SIK3: variants seen among roughly 807,000 people sequenced by gnomAD.
SIK3 encodes serine/threonine-protein kinase SIK3.
In SIK3, 28 loss-of-function variants were observed where a neutral mutation model predicts 144.2. The ratio of observed to expected loss-of-function variants is 0.19; its 90% CI spans 0.14 to 0.27. SIK3 has a LOEUF of 0.27. Among genes scored for constraint, SIK3 ranks in the 10% least tolerant of loss-of-function variants. The pLI is 1.00. For synonymous variants in SIK3, 686 were observed against 676.3 expected, an observed-to-expected ratio of 1.01 and a Z score of -0.22; for missense variants, 1,319 against 1,776.0, an observed-to-expected ratio of 0.74 and a Z score of 4.62.
At chr11:117,010,263 A>C (rs549565573) in intron 1 of SIK3, among the ~76,000 whole-genome samples, 1 of 152,318 alleles carries the variant, frequency 6.6e-6, no homozygotes, top group East Asian at 1.9e-4. Context: ...CTCCCATTCC[A>C]AATACCTATA....
chr11:116,985,504 ATCT>A, intron 1 of SIK3, among the ~76,000 whole-genome samples: 1 of 152,236 alleles, frequency 6.6e-6, no homozygotes, highest in East Asian at 1.9e-4. Context: ...TTACTTATCC[ATCT>A]AGACATCAAA....
chr11:117,007,513 T>C (rs1360167199), intron 1 of SIK3, among the ~76,000 whole-genome samples: 5 of 152,210 alleles, frequency 3.3e-5, no homozygotes, highest in Non-Finnish European at 7.3e-5. Flanking sequence ...GTACTCATGA[T>C]AGAGGTGAAG....
chr11:116,897,885 A>G (rs1371076309), intron 4 of SIK3, among the ~76,000 whole-genome samples: 1 of 127,208 alleles, frequency 7.9e-6, no homozygotes, highest in Non-Finnish European at 1.7e-5. Flanking sequence ...TCCGTCTCCA[A>G]AAAAAAAAAA....
At chr11:117,028,869 A>G (rs1425889467) in intron 1 of SIK3, among the ~76,000 whole-genome samples, 1 of 152,138 alleles carries the variant, frequency 6.6e-6, no homozygotes, top group African/African-American at 2.4e-5. Flanking sequence ...ACATGCATGC[A>G]TTAAAATGAC....
At chr11:116,999,021 A>G (rs1950764547) in intron 1 of SIK3, among the ~76,000 whole-genome samples, 1 of 152,236 alleles carries the variant, frequency 6.6e-6, no homozygotes, top group South Asian at 2.1e-4. Context: ...ACAAAGGTAT[A>G]TAAAATCAAG....
chr11:117,073,420 G>A (rs941101063), intron 1 of SIK3, among the ~76,000 whole-genome samples: 10 of 152,130 alleles, frequency 6.6e-5, no homozygotes, highest in African/African-American at 2.4e-4. Flanking sequence ...ACCTGGTATC[G>A]TGGAAAGAAC....
At chr11:116,857,187 GTAA>G (rs1942993799) in intron 21 of SIK3, 1 of 152,838 alleles carries the variant, frequency 6.5e-6, no homozygotes, top group African/African-American at 2.4e-5. Context: ...AACGACCAGA[GTAA>G]TAATACCTCA....
chr11:116,905,736 T>C (rs1051391489), intron 4 of SIK3, among the ~76,000 whole-genome samples: 5 of 152,244 alleles, frequency 3.3e-5, no homozygotes, highest in African/African-American at 1.2e-4. Context: ...CATCTTTTCA[T>C]GTGCTTTTCA....
intron 6 of SIK3, among the ~76,000 whole-genome samples, chr11:116,892,410 G>A (rs1312282084): frequency 6.6e-6 from 1 of 152,092 alleles, no homozygotes; most frequent in Non-Finnish European, 1.5e-5. Flanking sequence ...ACGACCAATA[G>A]ACCTGAAGAG....
rs960533694 is a variant in SIK3 at position 117,045,191 on chromosome 11, C to G, written c.273+52952G>C. Among the ~76,000 whole-genome samples the G allele has an allele frequency of 2.0e-5, 3 of 152,154 alleles. No individual in the cohort carries two copies. In the East Asian group the frequency reaches 5.8e-4, roughly 29 times the overall value. On this transcript the variant is annotated intron_variant, in intron 1 of 24. Coordinates refer to ENST00000445177, the MANE Select transcript of SIK3 (RefSeq NM_001366686.3). ...TTAGAGAGGATTTGTCAATATATAACCAAATATCTGCTTAGTGACGGGAAA... is the reference window on the plus strand; with the variant it reads ...TTAGAGAGGATTTGTCAATATATAAGCAAATATCTGCTTAGTGACGGGAAA...
chr11:117,033,481 C>T (rs1952354174), intron 1 of SIK3, among the ~76,000 whole-genome samples: 1 of 151,920 alleles, frequency 6.6e-6, no homozygotes, highest in African/African-American at 2.4e-5. Context: ...GCAGGTGGAT[C>T]ACGAGGTCAA....
intron 1 of SIK3, among the ~76,000 whole-genome samples, chr11:116,962,002 CTTT>C (rs1053095947): frequency 3.3e-5 from 5 of 152,050 alleles, no homozygotes; most frequent in African/African-American, 2.4e-5. Flanking sequence ...AAACACAGTT[CTTT>C]TTAACTCAAC....
intron 3 of SIK3, among the ~76,000 whole-genome samples, chr11:116,939,321 T>C (rs1948158883): frequency 6.6e-6 from 1 of 152,210 alleles, no homozygotes; most frequent in Non-Finnish European, 1.5e-5. Context: ...TTAATTTTTG[T>C]ATTTTCAATA....
intron 4 of SIK3, among the ~76,000 whole-genome samples, chr11:116,898,074 C>T (rs1475336048): frequency 6.6e-6 from 1 of 151,976 alleles, no homozygotes; most frequent in Non-Finnish European, 1.5e-5. Flanking sequence ...GCTGCACCCA[C>T]TAACTCGTCA....
At chr11:117,087,741 T>A (rs1955077521) in intron 1 of SIK3, among the ~76,000 whole-genome samples, 6 of 152,180 alleles carry the variant, frequency 3.9e-5, no homozygotes, top group Non-Finnish European at 5.9e-5. Context: ...GCAATATACA[T>A]ATTAGGTGCC....
chr11:116,898,549 C>T (rs2134792749), intron 4 of SIK3, among the ~76,000 whole-genome samples: 1 of 152,256 alleles, frequency 6.6e-6, no homozygotes, highest in East Asian at 1.9e-4. Flanking sequence ...GGAATCACCA[C>T]ACTGACTTCC....
intron 3 of SIK3, among the ~76,000 whole-genome samples, chr11:116,927,787 C>T (rs75176087): frequency 0.025 from 3,755 of 152,244 alleles, 85 homozygotes; most frequent in South Asian, 0.11. Flanking sequence ...AAAAGCAAGG[C>T]CCCAATATTA....
intron 1 of SIK3, among the ~76,000 whole-genome samples, chr11:117,006,684 AT>A (rs1951061926): frequency 6.6e-6 from 1 of 152,070 alleles, no homozygotes; most frequent in Non-Finnish European, 1.5e-5. Context: ...TTCACAAACA[AT>A]TTTAAATGGT....
At chr11:116,883,042 C>T (rs1176144424) in intron 6 of SIK3, among the ~76,000 whole-genome samples, 2 of 152,220 alleles carry the variant, frequency 1.3e-5, no homozygotes, top group Non-Finnish European at 2.9e-5. Context: ...ATGCAATACA[C>T]TGCTTGATGC....
Sources: gnomAD v4.1 joint callset for allele counts (sites outside exome capture counted in the v4.1 genomes callset) on GRCh38, gnomAD v4.1.1 for gene constraint, MANE v1.5 for transcripts, NCBI Gene and HGNC (gene_info 2026-07-23, HGNC 2026-07-21) for gene names.